The following MAP4K3 variants were observed in gnomAD, a reference collection of about 807,000 sequenced individuals.
MAP4K3 encodes the protein MAPK/ERK kinase kinase kinase 3.
Under a neutral mutation model 143.5 loss-of-function variants are expected in MAP4K3, and 94 were observed. The ratio of observed to expected loss-of-function variants is 0.65; its 90% CI spans 0.55 to 0.78. The LOEUF is 0.78. Ranked by LOEUF, MAP4K3 falls within the 30% of genes least tolerant of loss-of-function variation. The pLI, the probability that MAP4K3 is intolerant of heterozygous loss-of-function variation, is 0.00. For synonymous variants in MAP4K3, 416 were observed against 347.2 expected, an observed-to-expected ratio of 1.20 and a Z score of -2.20; for missense variants, 1,077 against 1,068.1, an observed-to-expected ratio of 1.01 and a Z score of -0.12.
In MAP4K3 at chr2:39,390,265, T is replaced by C. The variant is rs1053506483; in HGVS notation, c.97-12142A>G. ...GTTGTGCCTTCAGATTGCCACACGA[T>C]AATCCTGGCCAAAATGCCAGTAGCA... On this transcript the variant is annotated intron_variant, in intron 1 of 33. Coordinates refer to ENST00000263881, the MANE Select transcript of MAP4K3 (RefSeq NM_003618.4). 4.6e-5 allele frequency among the ~76,000 whole-genome samples: 7 copies of C among 152,190 alleles called. 1 individual carries two copies. Among genetic ancestry groups the C allele is most frequent in the Non-Finnish European group, 8.8e-5 (6 of 68,030 alleles).
At chr2:39,342,224 C>T (rs369940181) in intron 4 of MAP4K3, among the ~76,000 whole-genome samples, 4 of 151,972 alleles carry the variant, frequency 2.6e-5, no homozygotes, top group East Asian at 1.9e-4. Context: ...CTGCAACCTC[C>T]GCCTCCTAGG....
intron 28 of MAP4K3, among the ~76,000 whole-genome samples, chr2:39,263,798 C>T (rs1417747326): frequency 6.6e-6 from 1 of 152,036 alleles, no homozygotes; most frequent in Non-Finnish European, 1.5e-5. Context: ...TACCATCTAC[C>T]CGGAAAAGAG....
intron 32 of MAP4K3, among the ~76,000 whole-genome samples, chr2:39,252,804 G>A (rs1258751967): frequency 6.6e-6 from 1 of 152,198 alleles, no homozygotes; most frequent in Non-Finnish European, 1.5e-5. Flanking sequence ...CATACCTGCA[G>A]GAAACAACAT....
At chr2:39,352,761 G>A (rs1356941410) in intron 3 of MAP4K3, among the ~76,000 whole-genome samples, 1 of 152,144 alleles carries the variant, frequency 6.6e-6, no homozygotes, top group East Asian at 1.9e-4. Flanking sequence ...ATGGACTTCT[G>A]AAACTTAATT....
rs544497623 is a variant in MAP4K3, at chr2:39,318,135, T to C, written c.919-2747A>G. Among the ~76,000 whole-genome samples, 7 of 152,198 alleles carry C rather than the reference T, an allele frequency of 4.6e-5. No homozygotes were observed. In the South Asian group the frequency reaches 1.4e-3, roughly 32 times the overall value. On this transcript the variant is annotated intron_variant, in intron 12 of 33. Transcript: ENST00000263881. ...CTGGAGGCCATTATCCTAAGTAAAC[T>C]AACTCAGGAGCAGAAAACCAAATTC...
intron 1 of MAP4K3, among the ~76,000 whole-genome samples, chr2:39,435,358 C>G (rs1665427726): frequency 6.6e-6 from 1 of 152,196 alleles, no homozygotes; most frequent in Non-Finnish European, 1.5e-5. Flanking sequence ...ACTAAGAGGC[C>G]TGCAAGATCT....
intron 1 of MAP4K3, among the ~76,000 whole-genome samples, chr2:39,391,215 C>A (rs1464951955): frequency 6.6e-6 from 1 of 151,472 alleles, no homozygotes; most frequent in African/African-American, 2.4e-5. Flanking sequence ...AAAAATTAGC[C>A]GGGCGTGGTG....
intron 12 of MAP4K3, among the ~76,000 whole-genome samples, chr2:39,321,967 G>A (rs1331530814): frequency 6.6e-6 from 1 of 152,170 alleles, no homozygotes; most frequent in African/African-American, 2.4e-5. Flanking sequence ...AAATACTAAG[G>A]GAACTCAGAG....
intron 2 of MAP4K3, among the ~76,000 whole-genome samples, chr2:39,364,446 GAA>G (rs1214268402): frequency 6.6e-6 from 1 of 152,186 alleles, no homozygotes; most frequent in Non-Finnish European, 1.5e-5. Flanking sequence ...TAAAATATTT[GAA>G]GAGATTTATT....
chr2:39,306,382 C>T (rs1057197099), intron 15 of MAP4K3, among the ~76,000 whole-genome samples: 4 of 152,222 alleles, frequency 2.6e-5, no homozygotes, highest in African/African-American at 9.6e-5. Flanking sequence ...AATCCTCACA[C>T]ATTCTGTCTC....
At chr2:39,424,830 CAAA>C (rs58960920) in intron 1 of MAP4K3, among the ~76,000 whole-genome samples, 19 of 68,164 alleles carry the variant, frequency 2.8e-4, no homozygotes, top group Middle Eastern at 6.9e-3. Flanking sequence ...TAACCTGACT[CAAA>C]AAAAAAAAAA....
At chr2:39,326,406 A>C in intron 8 of MAP4K3, 129 bp from the exon 9 acceptor site, 1 of 873,048 alleles carries the variant, frequency 1.1e-6, no homozygotes, top group Non-Finnish European at 1.8e-6. Flanking sequence ...TGAAAAATAA[A>C]TATGCAGTAC....
intron 15 of MAP4K3, among the ~76,000 whole-genome samples, chr2:39,300,499 A>G (rs1682464890): frequency 6.6e-6 from 1 of 152,242 alleles, no homozygotes; most frequent in Admixed American, 6.5e-5. Flanking sequence ...TTCTTGAGAA[A>G]AAGAAATGTG....
At chr2:39,408,227 G>GT (rs1667147052) in intron 1 of MAP4K3, among the ~76,000 whole-genome samples, 1 of 152,186 alleles carries the variant, frequency 6.6e-6, no homozygotes. Context: ...TACCTTCTCA[G>GT]TAAGGAACTG....
chr2:39,344,291 C>G (rs908604355), intron 3 of MAP4K3, among the ~76,000 whole-genome samples: 6 of 152,104 alleles, frequency 3.9e-5, no homozygotes, highest in African/African-American at 1.4e-4. Flanking sequence ...GCCAGCGGAC[C>G]AAATCTAGCC....
At chr2:39,431,098 C>G (rs1665270265) in intron 1 of MAP4K3, among the ~76,000 whole-genome samples, 1 of 152,178 alleles carries the variant, frequency 6.6e-6, no homozygotes, top group Non-Finnish European at 1.5e-5. Flanking sequence ...TGGGAAGAGA[C>G]AGGCTATAAA....
At chr2:39,259,261 C>T (rs1680465640) in intron 29 of MAP4K3, among the ~76,000 whole-genome samples, 2 of 152,116 alleles carry the variant, frequency 1.3e-5, no homozygotes. Flanking sequence ...TCATCAGCAA[C>T]ACTTGGGAAT....
intron 4 of MAP4K3, among the ~76,000 whole-genome samples, chr2:39,341,815 AAAT>A (rs1665148488): frequency 6.6e-6 from 1 of 152,180 alleles, no homozygotes. Flanking sequence ...TTGTCATGTA[AAAT>A]AATGCCAGAT....
At chr2:39,427,426 T>C (rs111883977) in intron 1 of MAP4K3, among the ~76,000 whole-genome samples, 39 of 151,940 alleles carry the variant, frequency 2.6e-4, no homozygotes, top group African/African-American at 8.7e-4. Context: ...AGCAAAGAAA[T>C]TGAAAACTCC....
Sources: gnomAD v4.1 joint callset for allele counts (sites outside exome capture counted in the v4.1 genomes callset) on GRCh38, gnomAD v4.1.1 for gene constraint, MANE v1.5 for transcripts, NCBI Gene and HGNC (gene_info 2026-07-23, HGNC 2026-07-21) for gene names.